The following GRID1 variants were observed in gnomAD, a reference collection of about 807,000 sequenced individuals.
The protein encoded by GRID1 is glutamate ionotropic receptor delta type subunit 1, also known as glutamate receptor ionotropic, delta-1.
GRID1 carries 28 observed loss-of-function variants against 98.0 expected under a neutral mutation model. The observed-to-expected ratio is 0.29, with a 90% CI of 0.21 to 0.39. The LOEUF (loss-of-function observed/expected upper bound fraction) is 0.39, where lower values mean the gene tolerates loss of function less well. Among genes scored for constraint, GRID1 ranks in the 10% least tolerant of loss-of-function variants. The pLI, the probability that GRID1 is intolerant of heterozygous loss-of-function variation, is 1.00. For missense variants in GRID1, 1,111 were observed against 1,340.5 expected (o/e 0.83, Z 2.67); for synonymous variants, 553 against 538.5 (o/e 1.03, Z -0.37).
intron 4 of GRID1, among the ~76,000 whole-genome samples, chr10:86,039,733 A>G (rs1412745386): frequency 6.6e-6 from 1 of 152,188 alleles, no homozygotes; most frequent in Non-Finnish European, 1.5e-5. Context: ...TAAGCAATGC[A>G]TTTGTCGGGA....
chr10:86,054,598 C>T (rs891040965), intron 4 of GRID1, among the ~76,000 whole-genome samples: 3 of 152,138 alleles, frequency 2.0e-5, no homozygotes, highest in Admixed American at 6.5e-5. Context: ...TCATTTTGGC[C>T]CCTGGCTGCA....
chr10:86,034,316 A>G (rs1187192895), intron 4 of GRID1, among the ~76,000 whole-genome samples: 1 of 152,138 alleles, frequency 6.6e-6, no homozygotes, highest in Non-Finnish European at 1.5e-5. Flanking sequence ...TCTGTATTTC[A>G]TTTTCAAAAG....
In GRID1 at chr10:86,073,981, T is replaced by A. The variant is rs971668103; in HGVS notation, c.726+64838A>T. Reference sequence around the variant, plus strand: ...GGGAGGGTGGGGGAAATTCCCATTATTCTGAGTAGAAGTAGCCAAGAAATC... The same window carrying A: ...GGGAGGGTGGGGGAAATTCCCATTAATCTGAGTAGAAGTAGCCAAGAAATC... On this transcript the variant is annotated intron_variant, in intron 4 of 15. Coordinates refer to ENST00000327946, the MANE Select transcript of GRID1 (RefSeq NM_017551.3). 4.4e-5 allele frequency among the ~76,000 whole-genome samples: 6 copies of A among 136,466 alleles called. No individual in the cohort carries two copies. In the South Asian group the frequency reaches 1.3e-3, roughly 30 times the overall value. The allele number at this position is 136,466 out of a possible 152,430, so 89.5% of individuals were successfully genotyped here. A position where few individuals can be genotyped will look rare whatever the true frequency, so the allele number is the denominator to read the frequency against.
At chr10:85,657,517 G>A (rs1009157631) in intron 12 of GRID1, among the ~76,000 whole-genome samples, 1 of 152,210 alleles carries the variant, frequency 6.6e-6, no homozygotes, top group Non-Finnish European at 1.5e-5. Flanking sequence ...ATATGAATGA[G>A]TTGGCCTTTA....
At chr10:86,214,540 C>G (rs1165499310) in intron 2 of GRID1, among the ~76,000 whole-genome samples, 9 of 152,220 alleles carry the variant, frequency 5.9e-5, no homozygotes, top group Admixed American at 3.3e-4. Flanking sequence ...TACCCGCCCC[C>G]CTGACCCCCA....
chr10:86,156,362 T>A (rs959082428), intron 3 of GRID1, among the ~76,000 whole-genome samples: 3 of 152,214 alleles, frequency 2.0e-5, no homozygotes, highest in Non-Finnish European at 2.9e-5. Context: ...AGAGGTCACA[T>A]GATTCAGGCC....
At chr10:86,292,868 T>C (rs1847536096) in intron 2 of GRID1, among the ~76,000 whole-genome samples, 1 of 151,818 alleles carries the variant, frequency 6.6e-6, no homozygotes, top group Non-Finnish European at 1.5e-5. Context: ...GTGTGGCAGA[T>C]GTGAGTGTGG....
At chr10:85,963,158 T>G (rs532269862) in intron 4 of GRID1, among the ~76,000 whole-genome samples, 15 of 152,118 alleles carry the variant, frequency 9.9e-5, no homozygotes, top group Non-Finnish European at 1.9e-4. Context: ...CAGTTGAAAC[T>G]TAGAAGGCTC....
chr10:86,105,495 A>G (rs1013312096), intron 4 of GRID1, among the ~76,000 whole-genome samples: 3 of 152,194 alleles, frequency 2.0e-5, no homozygotes, highest in Admixed American at 1.3e-4. Context: ...CTCTCACACA[A>G]TTCCCACACT....
intron 12 of GRID1, chr10:85,648,179 G>A (rs1413753052): frequency 6.6e-6 from 1 of 152,226 alleles, no homozygotes; most frequent in Non-Finnish European, 1.5e-5. Flanking sequence ...CTCCAGCCAG[G>A]TGCACATTTG....
intron 2 of GRID1, among the ~76,000 whole-genome samples, chr10:86,354,156 C>T (rs976300519): frequency 6.6e-6 from 1 of 152,070 alleles, no homozygotes; most frequent in African/African-American, 2.4e-5. Context: ...GGGGGACAGA[C>T]AGCAAGAAGA....
intron 8 of GRID1, among the ~76,000 whole-genome samples, chr10:85,823,408 G>C (rs965742484): frequency 6.6e-6 from 1 of 151,710 alleles, no homozygotes; most frequent in East Asian, 1.9e-4. Flanking sequence ...GAAATAATTA[G>C]AATCTAATTA....
chr10:86,043,985 T>C (rs946589189), intron 4 of GRID1, among the ~76,000 whole-genome samples: 7 of 152,230 alleles, frequency 4.6e-5, no homozygotes, highest in Non-Finnish European at 8.8e-5. Flanking sequence ...ATTACCTACA[T>C]GTGCTCAATA....
chr10:86,088,176 C>T (rs139198467), intron 4 of GRID1, among the ~76,000 whole-genome samples: 5 of 152,270 alleles, frequency 3.3e-5, no homozygotes, highest in African/African-American at 7.2e-5. Context: ...TAACACAGCC[C>T]GCTGTTTGAT....
chr10:85,689,153 A>G (rs1841304577), intron 12 of GRID1, among the ~76,000 whole-genome samples: 1 of 152,234 alleles, frequency 6.6e-6, no homozygotes, highest in African/African-American at 2.4e-5. Context: ...AATCATAAAA[A>G]TGATAAAATA....
At chr10:85,953,345 C>T (rs1842149332) in intron 4 of GRID1, among the ~76,000 whole-genome samples, 1 of 152,070 alleles carries the variant, frequency 6.6e-6, no homozygotes, top group Admixed American at 6.5e-5. Flanking sequence ...AAGGGAACAA[C>T]ACACACTGGG....
intron 2 of GRID1, among the ~76,000 whole-genome samples, chr10:86,221,691 G>A (rs1846256651): frequency 6.6e-6 from 1 of 152,248 alleles, no homozygotes; most frequent in African/African-American, 2.4e-5. Flanking sequence ...ACTGGGGTGA[G>A]AGGTTGGGTG....
intron 12 of GRID1, among the ~76,000 whole-genome samples, chr10:85,656,990 T>C (rs1840906291): frequency 6.6e-6 from 1 of 152,202 alleles, no homozygotes. Context: ...TCACATGGCC[T>C]GAAAGGTCCT....
intron 12 of GRID1, among the ~76,000 whole-genome samples, chr10:85,674,515 G>C (rs1452616676): frequency 2.6e-5 from 4 of 152,154 alleles, no homozygotes; most frequent in Non-Finnish European, 5.9e-5. Flanking sequence ...TCATCATATA[G>C]ATTACATTGA....
Sources: allele counts gnomAD v4.1 joint callset (sites outside exome capture counted in the v4.1 genomes callset), GRCh38; gene constraint gnomAD v4.1.1; transcripts MANE v1.5; gene names NCBI Gene and HGNC (gene_info 2026-07-23, HGNC 2026-07-21).